Variants in VSTM5 observed in about 807,000 individuals in gnomAD.
The protein encoded by VSTM5 is V-set and transmembrane domain containing 5.
A neutral mutation model predicts 20.3 loss-of-function variants in VSTM5; 21 were observed. The observed-to-expected ratio is 1.03, with a 90% CI of 0.73 to 1.49. The LOEUF (loss-of-function observed/expected upper bound fraction) is 1.49, where lower values mean the gene tolerates loss of function less well. VSTM5 is among the 40% of genes most tolerant of loss of function. VSTM5 has a pLI of 0.00. For missense variants in VSTM5, 219 were observed against 250.0 expected (o/e 0.88, Z 0.84); for synonymous variants, 100 against 102.5 (o/e 0.98, Z 0.14).
chr11:93,846,224 A>C (rs1944409521), intron 1 of VSTM5, among the ~76,000 whole-genome samples: 1 of 144,590 alleles, frequency 6.9e-6, no homozygotes, highest in South Asian at 2.3e-4. Context: ...TTTTTTCCCA[A>C]AGAGTCTTAC....
At chr11:93,838,785 G>A (rs1008161116) in intron 1 of VSTM5, among the ~76,000 whole-genome samples, 23 of 152,150 alleles carry the variant, frequency 1.5e-4, no homozygotes, top group African/African-American at 5.3e-4. Context: ...GTGACAGAGC[G>A]AGACCCTGTC....
chr11:93,850,419 A>C lies in VSTM5; in HGVS notation c.84T>G (p.Cys28Trp), dbSNP rs1241570633. ...LFALCLAAAR[C>W]LQSQGVSLYI... ...GCGTCCCCCGGAGCTTACTCTGCAG[A>C]CAGCGGGCTGCGGCCAGGCAGAGGG... Residue 28 changes from cysteine to tryptophan, a missense_variant, in exon 1 of 4, where the codon TGT becomes TGG. Transcript: ENST00000409977. The C allele has an allele frequency of 1.3e-6, 2 of 1,548,570 alleles. No individual in the cohort carries two copies. The highest frequency in any genetic ancestry group is 1.4e-5 in the African/African-American group (1 of 72,884).
intron 1 of VSTM5, among the ~76,000 whole-genome samples, chr11:93,837,476 C>T (rs1184149543): frequency 6.6e-6 from 1 of 151,994 alleles, no homozygotes; most frequent in Non-Finnish European, 1.5e-5. Flanking sequence ...GGAAAGTAAT[C>T]CCAGGAAATG....
At chr11:93,832,785 C>T (rs1421125713) in intron 1 of VSTM5, among the ~76,000 whole-genome samples, 3 of 152,168 alleles carry the variant, frequency 2.0e-5, no homozygotes, top group African/African-American at 4.8e-5. Context: ...GGCTCAGAGA[C>T]GTAAGTGTCC....
In VSTM5 at chr11:93,850,556, A is replaced by G. The variant is rs932380896; in HGVS notation, c.-54T>C. On this transcript the variant is annotated 5_prime_UTR_variant, in exon 1 of 4. Transcript: ENST00000409977. The stretch of plus-strand genomic sequence containing the variant: ...GTGTGTGCTGGCCGCACCGCGCTGC[A>G]GCTCCTATGCAGCCTTCTCTCTTCC... The G allele has an allele frequency of 1.4e-5, 19 of 1,375,192 alleles. No individual in the cohort carries two copies. The highest frequency in any genetic ancestry group is 1.7e-5 in the Non-Finnish European group (17 of 1,007,352). The allele number at this position is 1,375,192 out of a possible 1,614,324, so 85.2% of individuals were successfully genotyped here.
At chr11:93,826,686 A>G (rs1382944129) in intron 1 of VSTM5, among the ~76,000 whole-genome samples, 1 of 152,174 alleles carries the variant, frequency 6.6e-6, no homozygotes, top group African/African-American at 2.4e-5. Flanking sequence ...AGCATGAGCC[A>G]CCGTGCCCAG....
chr11:93,843,531 C>T (rs952466959), intron 1 of VSTM5, among the ~76,000 whole-genome samples: 1 of 152,106 alleles, frequency 6.6e-6, no homozygotes, highest in African/African-American at 2.4e-5. Context: ...TCAGTTTCTG[C>T]ACCTATAAAA....
At position 93,825,936 on chromosome 11, in the gene VSTM5, T is replaced by TAA. The variant is rs59575948; in HGVS notation, c.92-4615_92-4614dup. 4.0e-3 allele frequency among the ~76,000 whole-genome samples: 602 copies of TAA among 149,078 alleles called. 1 individual carries two copies. Among genetic ancestry groups the TAA allele is most frequent in the Non-Finnish European group, 5.6e-3 (378 of 67,220 alleles). ...GATGTACAAAACTAAGAGTTGATTT[T>TAA]AAAAAAAAAAGAAATAAAGGCCAGG... On this transcript the variant is annotated intron_variant, in intron 1 of 3. Coordinates refer to ENST00000409977, the MANE Select transcript of VSTM5 (RefSeq NM_001144871.2).
At chr11:93,830,577 T>A (rs1370028701) in intron 1 of VSTM5, among the ~76,000 whole-genome samples, 1 of 152,208 alleles carries the variant, frequency 6.6e-6, no homozygotes, top group Non-Finnish European at 1.5e-5. Context: ...TGGTGACATG[T>A]GTGCCCTGCC....
intron 1 of VSTM5, among the ~76,000 whole-genome samples, chr11:93,837,088 G>C (rs1944329410): frequency 6.6e-6 from 1 of 151,532 alleles, no homozygotes; most frequent in Admixed American, 6.6e-5. Flanking sequence ...CTGGAGTGTA[G>C]TGTCATGATC....
chr11:93,832,382 A>C (rs1944290026), intron 1 of VSTM5, among the ~76,000 whole-genome samples: 1 of 152,256 alleles, frequency 6.6e-6, no homozygotes, highest in South Asian at 2.1e-4. Flanking sequence ...AGATAGACAT[A>C]CAGTTATCCA....
intron 1 of VSTM5, among the ~76,000 whole-genome samples, chr11:93,833,165 C>T (rs1944295384): frequency 6.6e-6 from 1 of 152,144 alleles, no homozygotes; most frequent in African/African-American, 2.4e-5. Context: ...ACTTGTTTTC[C>T]ATTGATTACA....
At chr11:93,847,447 C>G (rs1010796824) in intron 1 of VSTM5, among the ~76,000 whole-genome samples, 1 of 152,226 alleles carries the variant, frequency 6.6e-6, no homozygotes. Flanking sequence ...CCACTCCCTC[C>G]TCAGCTTCAG....
chr11:93,841,445 T>C (rs997764533), intron 1 of VSTM5, among the ~76,000 whole-genome samples: 11 of 152,218 alleles, frequency 7.2e-5, no homozygotes, highest in Non-Finnish European at 1.5e-4. Flanking sequence ...ACTCAAGGCT[T>C]TCCTTCTGGT....
Position 93,820,340 on chromosome 11 carries a change from G to C in VSTM5, c.*229C>G, listed in dbSNP as rs1944169537. On this transcript the variant is annotated 3_prime_UTR_variant, in exon 4 of 4. Coordinates refer to ENST00000409977, the MANE Select transcript of VSTM5 (RefSeq NM_001144871.2). ...ATGCTGCAGCCAAGCGAAGCTCCTG[G>C]TTCAAAGCCTCAATCACTCTTCTCC... is the stretch of plus-strand genomic sequence containing the variant. 2 of 551,138 alleles carry C rather than the reference G, an allele frequency of 3.6e-6. No individual in the cohort carries two copies. Among genetic ancestry groups the C allele is most frequent in the South Asian group, 4.1e-5 (2 of 48,950 alleles). The allele number at this position is 551,138 out of a possible 1,614,324, so 34.1% of individuals were successfully genotyped here. A position where few individuals can be genotyped will look rare whatever the true frequency, so the allele number is the denominator to read the frequency against.
chr11:93,838,318 C>A (rs925662456), intron 1 of VSTM5, among the ~76,000 whole-genome samples: 1 of 151,728 alleles, frequency 6.6e-6, no homozygotes, highest in African/African-American at 2.4e-5. Context: ...ATTAAAAATA[C>A]AAAAATCAGC....
chr11:93,838,498 A>G (rs373326115), intron 1 of VSTM5, among the ~76,000 whole-genome samples: 2 of 151,396 alleles, frequency 1.3e-5, no homozygotes, highest in African/African-American at 4.9e-5. Flanking sequence ...AACAAAAACA[A>G]AAAAGCAACC....
chr11:93,836,450 G>A (rs566571132), intron 1 of VSTM5, among the ~76,000 whole-genome samples: 60 of 152,246 alleles, frequency 3.9e-4, no homozygotes, highest in Non-Finnish European at 6.0e-4. Flanking sequence ...TCCTCAGCAC[G>A]CCCTCATACC....
chr11:93,849,400 G>A (rs367703094), intron 1 of VSTM5, among the ~76,000 whole-genome samples: 2 of 152,176 alleles, frequency 1.3e-5, no homozygotes, highest in African/African-American at 2.4e-5. Context: ...CAAGGGATCC[G>A]CTGGCCTCGG....
Sources: allele counts gnomAD v4.1 joint callset (sites outside exome capture counted in the v4.1 genomes callset), GRCh38; gene constraint gnomAD v4.1.1; transcripts MANE v1.5; gene names NCBI Gene and HGNC (gene_info 2026-07-23, HGNC 2026-07-21).